Variants in ARHGAP21 observed in about 807,000 individuals in gnomAD.
The protein encoded by ARHGAP21 is Rho GTPase activating protein 21.
A neutral mutation model predicts 164.6 loss-of-function variants in ARHGAP21; 38 were observed. That is an observed-to-expected ratio of 0.23 (90% confidence interval 0.18 to 0.30). The LOEUF is 0.30. Among genes scored for constraint, ARHGAP21 ranks in the 10% least tolerant of loss-of-function variants. The pLI is 1.00. For missense variants in ARHGAP21, 1,822 were observed against 2,370.7 expected, an observed-to-expected ratio of 0.77 and a Z score of 4.81; for synonymous variants, 766 against 857.9, an observed-to-expected ratio of 0.89 and a Z score of 1.87.
chr10:24,708,236 T>C (rs1844434129), intron 2 of ARHGAP21, among the ~76,000 whole-genome samples: 1 of 152,154 alleles, frequency 6.6e-6, no homozygotes. Flanking sequence ...GTCCGTCCCT[T>C]AATTGGTGGT....
At chr10:24,682,452 A>G (rs1177029784) in intron 2 of ARHGAP21, among the ~76,000 whole-genome samples, 2 of 152,220 alleles carry the variant, frequency 1.3e-5, no homozygotes, top group African/African-American at 2.4e-5. Flanking sequence ...TACTCTATCC[A>G]TAGTCCTAAT....
intron 9 of ARHGAP21, among the ~76,000 whole-genome samples, chr10:24,609,930 T>G (rs1331463763): frequency 6.6e-6 from 1 of 152,222 alleles, no homozygotes; most frequent in African/African-American, 2.4e-5. Context: ...TTCTGTTAGA[T>G]GAAAATCAAT....
Position 24,604,298 on chromosome 10 carries a change from A to G in ARHGAP21, c.2721+14T>C, listed in dbSNP as rs367883479. The G allele has an allele frequency of 8.4e-5, 131 of 1,553,540 alleles. No individual in the cohort carries two copies. The African/African-American group carries it at 1.4e-3, about 17-fold the overall frequency. On this transcript the variant is annotated intron_variant, in intron 12 of 25. Transcript: ENST00000396432. ...GAGATAAACTAAGGTAAGTAGAAAC[A>G]CTCTAATACCAACCTTGATTCCCTT...
intron 2 of ARHGAP21, among the ~76,000 whole-genome samples, chr10:24,696,231 G>C (rs1333951697): frequency 6.6e-6 from 1 of 152,204 alleles, no homozygotes; most frequent in East Asian, 1.9e-4. Context: ...TTTGGCACAG[G>C]GCAGGGGAAC....
Position 24,595,161 on chromosome 10 carries a change from G to T in ARHGAP21, c.3742C>A (p.Arg1248Ser). Residue 1248 changes from arginine to serine, a missense_variant, in exon 20 of 26, where the codon CGT (arginine) becomes AGT (serine). This residue lies in a region of ARHGAP21 where 117 missense variants were observed against 238.1 expected (regional missense o/e 0.49). Transcript: ENST00000396432. ...DKYADFIEAN[R>S]KEDPLDRLKT... ...AGACGATCTAGAGGATCTTCTTTAC[G>T]ATTGGCTTCAATAAAATCAGCATAT... 1.2e-6 allele frequency: 2 copies of T among 1,611,484 alleles called. No individual in the cohort carries two copies. The highest frequency in any genetic ancestry group is 1.7e-6 in the Non-Finnish European group (2 of 1,178,936).
At chr10:24,635,145 C>T (rs750000723) in intron 4 of ARHGAP21, 42 bp from the exon 5 acceptor site, 1 of 1,316,802 alleles carries the variant, frequency 7.6e-7, no homozygotes, top group South Asian at 1.4e-5. Flanking sequence ...CTTCACAATA[C>T]TTTACTAAAA....
chr10:24,670,415 T>C lies in ARHGAP21; in HGVS notation c.64-18A>G. ...TTTGAGACCTAAAGTGAAAAGATAT[T>C]TAAAAGTTAACTACATAACACAATA... On this transcript the variant is annotated intron_variant, in intron 2 of 25. Transcript: ENST00000396432. The C allele has an allele frequency of 6.4e-7, 1 of 1,557,672 alleles. No homozygotes were observed. The highest frequency in any genetic ancestry group is 1.4e-5 in the African/African-American group (1 of 73,258).
chr10:24,620,844 A>C lies in ARHGAP21; in HGVS notation c.1051T>G (p.Tyr351Asp), dbSNP rs756750616. The C allele has an allele frequency of 1.1e-5, 18 of 1,613,916 alleles. No individual in the cohort carries two copies. The South Asian group carries it at 2.0e-4, about 18-fold the overall frequency. ...PSGILLKSGNYSGHSDGISSS... is the reference protein window; with the variant it reads ...PSGILLKSGNDSGHSDGISSS... ...GAGATTCCATCAGAATGTCCACTGT[A>C]ATTTCCAGACTTAAGTAAAATTCCA... The change falls in exon 9 of 26, where the codon TAC (tyrosine) becomes GAC (aspartate). Residue 351 changes from tyrosine (Y) to aspartate (D), a missense_variant. Transcript: ENST00000396432.
chr10:24,596,230 GAACA>G, intron 17 of ARHGAP21, 187 bp from the exon 18 acceptor site: 1 of 509,340 alleles, frequency 2.0e-6, no homozygotes, highest in Non-Finnish European at 3.3e-6. Flanking sequence ...AGTAAGAAGA[GAACA>G]AAGAGACTGA....
At chr10:24,720,387 T>C (rs1355739313) in intron 2 of ARHGAP21, among the ~76,000 whole-genome samples, 1 of 152,052 alleles carries the variant, frequency 6.6e-6, no homozygotes, top group Non-Finnish European at 1.5e-5. Flanking sequence ...GTAACTGCAA[T>C]ACACATTAAG....
chr10:24,700,391 A>G (rs1593332786), intron 2 of ARHGAP21, among the ~76,000 whole-genome samples: 1 of 152,194 alleles, frequency 6.6e-6, no homozygotes, highest in Non-Finnish European at 1.5e-5. Flanking sequence ...GCTGGCCTGG[A>G]GGTCAAGCCA....
At chr10:24,677,001 A>G (rs1841317545) in intron 2 of ARHGAP21, among the ~76,000 whole-genome samples, 1 of 152,110 alleles carries the variant, frequency 6.6e-6, no homozygotes, top group Admixed American at 6.6e-5. Flanking sequence ...CAGGAGTTCG[A>G]GATCAGCCTG....
At chr10:24,709,697 T>A (rs1844579499) in intron 2 of ARHGAP21, among the ~76,000 whole-genome samples, 1 of 151,160 alleles carries the variant, frequency 6.6e-6, no homozygotes, top group Non-Finnish European at 1.5e-5. Flanking sequence ...CATGTTCATG[T>A]CACTGCACTG....
intron 2 of ARHGAP21, among the ~76,000 whole-genome samples, chr10:24,685,786 G>T (rs186535589): frequency 5.3e-5 from 8 of 152,306 alleles, no homozygotes; most frequent in Admixed American, 5.2e-4. Flanking sequence ...TGAGGCAGGA[G>T]AATCGCTTGA....
chr10:24,585,377 C>A lies in ARHGAP21; in HGVS notation c.4912G>T (p.Glu1638Ter), dbSNP rs1411396693. The change falls in exon 26 of 26, where the codon GAG becomes TAG. Residue 1638 changes from glutamate (E) to a stop codon, truncating the protein, a stop_gained. Transcript: ENST00000396432. LOFTEE classifies it low-confidence loss of function (END_TRUNC). ...SEGRPVETDS[E>*]SEFPVFPTAL... ...GTGGGGAACACGGGAAACTCGCTCT[C>A]GCTGTCGGTTTCCACAGGCCGCCCT... 1 of 1,613,830 alleles carries A rather than the reference C, an allele frequency of 6.2e-7. No homozygotes were observed. The highest frequency in any genetic ancestry group is 8.5e-7 in the Non-Finnish European group (1 of 1,180,048).
chr10:24,593,632 C>CAGTGTAATTAAAGACACAAAA (rs2076439713), intron 21 of ARHGAP21, among the ~76,000 whole-genome samples: 1 of 152,090 alleles, frequency 6.6e-6, no homozygotes, highest in Admixed American at 6.6e-5. Flanking sequence ...CTTCAAGATT[C>CAGTGTAATTAAAGACACAAAA]AGTGTAATTA....
chr10:24,605,706 C>T (rs1205454189), intron 11 of ARHGAP21: 1 of 151,912 alleles, frequency 6.6e-6, no homozygotes, highest in Admixed American at 6.5e-5. Flanking sequence ...GTGAGTACTC[C>T]CCAAGTTAAT....
chr10:24,590,183 C>CTTTA, intron 24 of ARHGAP21: 1 of 1,417,758 alleles, frequency 7.1e-7, no homozygotes, highest in South Asian at 1.6e-5. Flanking sequence ...TGCTTTATGA[C>CTTTA]TTTAAGAACT....
At chr10:24,594,201 T>C (rs999385115) in intron 21 of ARHGAP21, among the ~76,000 whole-genome samples, 2 of 152,028 alleles carry the variant, frequency 1.3e-5, no homozygotes, top group African/African-American at 4.8e-5. Context: ...AAAATCATCA[T>C]TTTAAAATCT....
Sources: allele counts gnomAD v4.1 joint callset (sites outside exome capture counted in the v4.1 genomes callset), GRCh38; gene constraint gnomAD v4.1.1; regional missense constraint gnomAD v4.1.1; transcripts MANE v1.5; gene names NCBI Gene and HGNC (gene_info 2026-07-23, HGNC 2026-07-21).